Variants in SPICE1 observed in about 807,000 individuals in gnomAD.
SPICE1 encodes the protein spindle and centriole-associated protein 1.
In SPICE1, 75 loss-of-function variants were observed where a neutral mutation model predicts 102.7. That is an observed-to-expected ratio of 0.73 (90% CI 0.61 to 0.88). The LOEUF is 0.88. Ranked by LOEUF, SPICE1 falls within the 40% of genes least tolerant of loss-of-function variation. The pLI is 0.00. For missense variants in SPICE1, 979 were observed against 1,020.1 expected (o/e 0.96, Z 0.55); for synonymous variants, 308 against 350.3 (o/e 0.88, Z 1.35).
chr3:113,499,346 A>G (rs1186717417), intron 4 of SPICE1, 93 bp downstream of exon 4: 1 of 1,328,244 alleles, frequency 7.5e-7, no homozygotes, highest in Non-Finnish European at 1.0e-6. Flanking sequence ...AGTGATTACT[A>G]GAGTCTCTCC....
rs541172775 is a variant in SPICE1, at chr3:113,494,471, C to T, written c.292-329G>A. Among the ~76,000 whole-genome samples the T allele has an allele frequency of 8.6e-4, 131 of 151,874 alleles. 1 individual carries two copies. Among genetic ancestry groups the T allele is most frequent in the African/African-American group, 3.0e-3 (124 of 41,448 alleles). ...GACCATCCCGGCTAAAACGGTGAAA[C>T]CCCGTCTCTACTAAAAATACAAAAA... On this transcript the variant is annotated intron_variant, in intron 4 of 17. Transcript: ENST00000295872.
chr3:113,465,283 A>C (rs1936026512), intron 11 of SPICE1, among the ~76,000 whole-genome samples: 1 of 152,200 alleles, frequency 6.6e-6, no homozygotes. Context: ...CTCTGATATA[A>C]TTGCAAAAGG....
chr3:113,494,516 G>C (rs888786758), intron 4 of SPICE1, among the ~76,000 whole-genome samples: 2 of 151,662 alleles, frequency 1.3e-5, no homozygotes, highest in Non-Finnish European at 2.9e-5. Flanking sequence ...GCGTGGTAGC[G>C]GGCGCCTGTA....
chr3:113,514,950 C>A lies in SPICE1; in HGVS notation c.-54G>T. ...TGCGCTTCCTGAAGTAAGGATTCCC[C>A]AACCGGGCGCCTGGATCCCAGGCAA... On this transcript the variant is annotated 5_prime_UTR_variant, in exon 1 of 18. Transcript: ENST00000295872. 1 of 965,068 alleles carries A rather than the reference C, an allele frequency of 1.0e-6. No homozygotes were observed. The highest frequency in any genetic ancestry group is 1.3e-6 in the Non-Finnish European group (1 of 745,006). 59.8% of individuals were successfully genotyped at this position (965,068 alleles called of 1,614,324 possible).
intron 11 of SPICE1, among the ~76,000 whole-genome samples, chr3:113,463,083 C>A (rs1291381365): frequency 6.6e-6 from 1 of 152,208 alleles, no homozygotes. Flanking sequence ...CTCTCAGCTA[C>A]CCACATGCTC....
intron 1 of SPICE1, among the ~76,000 whole-genome samples, chr3:113,508,210 G>A (rs375901087): frequency 2.6e-4 from 39 of 152,200 alleles, no homozygotes; most frequent in African/African-American, 6.7e-4. Context: ...TTCGTGAGCC[G>A]TGGGTTAAGC....
chr3:113,490,276 A>C (rs1936737256), intron 6 of SPICE1, among the ~76,000 whole-genome samples: 1 of 152,142 alleles, frequency 6.6e-6, no homozygotes, highest in African/African-American at 2.4e-5. Context: ...AATGCTATTA[A>C]TTTCCAAACC....
At chr3:113,460,827 A>C in intron 11 of SPICE1, 63 bp from the exon 12 acceptor site, 2 of 1,466,706 alleles carry the variant, frequency 1.4e-6, no homozygotes, top group Non-Finnish European at 1.8e-6. Context: ...ACCACCTAGA[A>C]AGCAAACCAC....
chr3:113,506,610 G>T lies in SPICE1; in HGVS notation c.1-5C>A. On this transcript the variant is annotated splice_polypyrimidine_tract_variant and splice_region_variant and intron_variant, in intron 1 of 17. Transcript: ENST00000295872. The stretch of plus-strand genomic sequence containing the variant: ...GTTCACTCTGACAAATGACATCTAG[G>T]AATAATAATCACATCAAATTTTTAA... 1 of 1,603,500 alleles carries T rather than the reference G, an allele frequency of 6.2e-7. No homozygotes were observed. Among genetic ancestry groups the T allele is most frequent in the Non-Finnish European group, 8.5e-7 (1 of 1,174,038 alleles).
At chr3:113,481,401 C>CT (rs201685630) in intron 7 of SPICE1, among the ~76,000 whole-genome samples, 5,591 of 148,016 alleles carry the variant, frequency 0.038, 137 homozygotes, top group East Asian at 0.1. Context: ...GAAAAGTAGA[C>CT]TTTTTTTTTT....
chr3:113,489,388 C>T (rs1220503991), intron 6 of SPICE1, among the ~76,000 whole-genome samples: 1 of 152,150 alleles, frequency 6.6e-6, no homozygotes, highest in Non-Finnish European at 1.5e-5. Context: ...AGTTGTTCCA[C>T]CCTCCTCACT....
At chr3:113,494,710 TAA>T (rs1559973521) in intron 4 of SPICE1, among the ~76,000 whole-genome samples, 1 of 151,270 alleles carries the variant, frequency 6.6e-6, no homozygotes, top group African/African-American at 2.4e-5. Flanking sequence ...ATATACAAAA[TAA>T]AAGTTTTAAT....
intron 12 of SPICE1, among the ~76,000 whole-genome samples, chr3:113,459,007 T>A (rs1412828752): frequency 6.6e-6 from 1 of 152,040 alleles, no homozygotes; most frequent in Non-Finnish European, 1.5e-5. Context: ...GAAAGAGAGA[T>A]CAGATTGTTA....
chr3:113,497,707 CTTTTTT>C (rs1165475734), intron 4 of SPICE1, among the ~76,000 whole-genome samples: 1 of 91,340 alleles, frequency 1.1e-5, no homozygotes, highest in African/African-American at 4.6e-5. Context: ...AGAAAGAGAG[CTTTTTT>C]TTTTTTTTTT....
chr3:113,503,161 G>C lies in SPICE1; in HGVS notation c.147+19C>G. 6.2e-7 allele frequency: 1 copy of C among 1,603,818 alleles called. No individual in the cohort carries two copies. Among genetic ancestry groups the C allele is most frequent in the Non-Finnish European group, 8.5e-7 (1 of 1,175,690 alleles). ...ATAAAACACTGAATAAATGACTTAA[G>C]TTTTGATATTAAACTCACCAGATCT... On this transcript the variant is annotated intron_variant, in intron 3 of 17. Transcript: ENST00000295872.
chr3:113,488,012 G>A (rs1243155874), intron 7 of SPICE1, among the ~76,000 whole-genome samples: 1 of 152,046 alleles, frequency 6.6e-6, no homozygotes, highest in East Asian at 1.9e-4. Flanking sequence ...TTAGATTTTA[G>A]AAGATTCCAG....
At chr3:113,507,657 G>C (rs1400698595) in intron 1 of SPICE1, among the ~76,000 whole-genome samples, 5 of 152,076 alleles carry the variant, frequency 3.3e-5, no homozygotes, top group Admixed American at 1.3e-4. Context: ...AAGAAAACAA[G>C]TCACATACAA....
intron 16 of SPICE1, among the ~76,000 whole-genome samples, chr3:113,447,131 GC>G (rs1352516545): frequency 2.6e-5 from 4 of 151,764 alleles, no homozygotes; most frequent in African/African-American, 7.3e-5. Flanking sequence ...AGCCTCTCCA[GC>G]CATGTGAAAC....
At chr3:113,500,934 T>C (rs936911798) in intron 3 of SPICE1, among the ~76,000 whole-genome samples, 1 of 152,188 alleles carries the variant, frequency 6.6e-6, no homozygotes, top group South Asian at 2.1e-4. Context: ...AGATGTCATA[T>C]ACTCAATGCC....
Sources: gnomAD v4.1 joint callset for allele counts (sites outside exome capture counted in the v4.1 genomes callset) on GRCh38, gnomAD v4.1.1 for gene constraint, MANE v1.5 for transcripts, NCBI Gene and HGNC (gene_info 2026-07-23, HGNC 2026-07-21) for gene names.